Variants in THNSL1 observed in about 807,000 individuals in gnomAD.
THNSL1 encodes threonine synthase like 1.
Under a neutral mutation model 50.4 loss-of-function variants are expected in THNSL1, and 48 were observed. The ratio of observed to expected loss-of-function variants is 0.95; its 90% CI spans 0.76 to 1.21. THNSL1 has a LOEUF of 1.21. Ranked by LOEUF, THNSL1 falls within the 50% of genes most tolerant of loss-of-function variation. The pLI is 0.00. For synonymous variants in THNSL1, 309 were observed against 306.1 expected (o/e 1.01, Z -0.10); for missense variants, 896 against 871.7 (o/e 1.03, Z -0.35).
In THNSL1 at chr10:25,026,476, G is replaced by GA. The variant is rs1420446021; in HGVS notation, c.*1021_*1022insA. 1 of 167,024 alleles carries GA rather than the reference G, an allele frequency of 6.0e-6. No individual in the cohort carries two copies. The highest frequency in any genetic ancestry group is 1.5e-5 in the Non-Finnish European group (1 of 68,112). 10.3% of individuals were successfully genotyped at this position (167,024 alleles called of 1,614,324 possible). A position where few individuals can be genotyped will look rare whatever the true frequency, so the allele number is the denominator to read the frequency against. ...AGACAGCAGTTTCCCTATATTATTTGGAGTCAATTCTTACGTAATTTGTTG... is the reference window on the plus strand; with the variant it reads ...AGACAGCAGTTTCCCTATATTATTTGAGAGTCAATTCTTACGTAATTTGTTG... On this transcript the variant is annotated 3_prime_UTR_variant, in exon 3 of 3. Coordinates refer to ENST00000376356, the MANE Select transcript of THNSL1 (RefSeq NM_024838.5).
chr10:25,003,344 C>A, the THNSL1 span, among the ~76,000 whole-genome samples: 1 of 152,068 alleles, frequency 6.6e-6, no homozygotes, highest in African/African-American at 2.4e-5. Flanking sequence ...GTAGCTGGGA[C>A]TACAGGCATG....
the THNSL1 span, among the ~76,000 whole-genome samples, chr10:24,966,482 C>T: frequency 6.6e-6 from 1 of 152,190 alleles, no homozygotes; most frequent in Non-Finnish European, 1.5e-5. Flanking sequence ...AGACAATTTC[C>T]AGCATTAACT....
In THNSL1 at chr10:25,023,701, G is replaced by C; in HGVS notation, c.478G>C (p.Asp160His). 1 of 1,613,934 alleles carries C rather than the reference G, an allele frequency of 6.2e-7. No individual in the cohort carries two copies. Among genetic ancestry groups the C allele is most frequent in the East Asian group, 2.2e-5 (1 of 44,876 alleles). ...TGTATACCTGGATGTACCTCTACTA[G>C]ATCTAATTTGTCGTCTAAAATTAAT... ...IIVYLDVPLL[D>H]LICRLKLMKT... is the part of the protein sequence containing the mutation. The change falls in exon 3 of 3, where the codon GAT (aspartate) becomes CAT (histidine). Residue 160 changes from aspartate to histidine, a missense_variant. Coordinates refer to ENST00000376356, the MANE Select transcript of THNSL1 (RefSeq NM_024838.5).
At chr10:25,003,084 TTAAG>T in the THNSL1 span, among the ~76,000 whole-genome samples, 11 of 152,130 alleles carry the variant, frequency 7.2e-5, no homozygotes, top group African/African-American at 1.7e-4. Context: ...AAAAATAACA[TTAAG>T]TAAATTAAAA....
At chr10:24,957,737 T>C in the THNSL1 span, among the ~76,000 whole-genome samples, 1 of 152,322 alleles carries the variant, frequency 6.6e-6, no homozygotes, top group Non-Finnish European at 1.5e-5. Context: ...TGCCTCGGCC[T>C]GCCAAAGTTC....
the THNSL1 span, among the ~76,000 whole-genome samples, chr10:24,963,594 A>G: frequency 6.6e-6 from 1 of 152,224 alleles, no homozygotes; most frequent in South Asian, 2.1e-4. Flanking sequence ...TCTTAGAGAC[A>G]TTACACATGT....
chr10:24,988,048 C>T, the THNSL1 span, among the ~76,000 whole-genome samples: 11 of 151,716 alleles, frequency 7.3e-5, no homozygotes, highest in African/African-American at 2.7e-4. Context: ...CAGCGAAACC[C>T]CATCTTTACT....
the THNSL1 span, among the ~76,000 whole-genome samples, chr10:25,007,440 T>G: frequency 6.6e-6 from 1 of 152,094 alleles, no homozygotes; most frequent in African/African-American, 2.4e-5. Context: ...ATTTGTTTGT[T>G]TGTTTATTTA....
chr10:25,023,763 A>T lies in THNSL1; in HGVS notation c.540A>T (p.Thr180=), dbSNP rs745831233. 30 of 1,613,902 alleles carry T rather than the reference A, an allele frequency of 1.9e-5. No homozygotes were observed. The South Asian group carries it at 2.6e-4, about 14-fold the overall frequency. ...TDRIVGQNSG[T]SMKDLLKFRR... ...GGATTGTAGGTCAGAATTCTGGAAC[A>T]TCTATGAAAGACTTACTTAAATTTA... Residue 180 remains threonine, a synonymous_variant, in exon 3 of 3, where the codon ACA becomes ACT. Coordinates refer to ENST00000376356, the MANE Select transcript of THNSL1 (RefSeq NM_024838.5).
At chr10:24,992,915 T>C in the THNSL1 span, among the ~76,000 whole-genome samples, 1 of 152,178 alleles carries the variant, frequency 6.6e-6, no homozygotes, top group Admixed American at 6.5e-5. Flanking sequence ...AACACCTCAT[T>C]ACAGCTTAGT....
chr10:25,016,985 C>T lies in THNSL1; in HGVS notation c.-216+293C>T, dbSNP rs1266752282. Among the ~76,000 whole-genome samples the T allele has an allele frequency of 2.6e-5, 4 of 152,084 alleles. No homozygotes were observed. In the South Asian group the frequency reaches 6.2e-4, roughly 24 times the overall value. ...CCCGCCACGTGTGTGAGTGCGCGCA[C>T]GGGGCCCGCGGCCTCCTCCGCCTGC... On this transcript the variant is annotated intron_variant, in intron 1 of 2. Transcript: ENST00000376356.
At chr10:24,987,648 C>T in the THNSL1 span, among the ~76,000 whole-genome samples, 22 of 152,174 alleles carry the variant, frequency 1.4e-4, no homozygotes, top group African/African-American at 4.3e-4. Flanking sequence ...AGTGTGCCTT[C>T]GATTTCCTGC....
At chr10:24,984,923 A>G in the THNSL1 span, 1 of 1,601,154 alleles carries the variant, frequency 6.2e-7, no homozygotes, top group Non-Finnish European at 8.5e-7. Flanking sequence ...TGGTCAAGAA[A>G]CTTGTAAATA....
chr10:25,022,577 C>T (rs1240733492), intron 2 of THNSL1, among the ~76,000 whole-genome samples: 1 of 152,146 alleles, frequency 6.6e-6, no homozygotes, highest in Non-Finnish European at 1.5e-5. Flanking sequence ...ATACCTTTGT[C>T]CTGTAGTTTG....
rs774252391 is a variant in THNSL1, at chr10:25,024,238, A to T, written c.1015A>T (p.Ile339Phe). 8 of 1,614,196 alleles carry T rather than the reference A, an allele frequency of 5.0e-6. No individual in the cohort carries two copies. The East Asian group carries it at 1.8e-4, about 36-fold the overall frequency. ...PVRHLSGNQF[I>F]LELFHGPTGS... ...CAGGCACCTTTCAGGCAACCAGTTC[A>T]TCCTGGAGTTGTTTCATGGACCAAC... Residue 339 changes from isoleucine to phenylalanine, a missense_variant, in exon 3 of 3, where the codon ATC becomes TTC. By Grantham distance (21) the Ile-to-Phe change is conservative. Transcript: ENST00000376356.
chr10:25,020,790 A>T (rs1453134180), intron 1 of THNSL1, among the ~76,000 whole-genome samples: 2 of 152,102 alleles, frequency 1.3e-5, no homozygotes, highest in African/African-American at 4.8e-5. Context: ...CTCAGATTAT[A>T]TACAATTATT....
chr10:24,985,763 A>G, the THNSL1 span, among the ~76,000 whole-genome samples: 259 of 152,360 alleles, frequency 1.7e-3, no homozygotes, highest in African/African-American at 6.1e-3. Flanking sequence ...CTTTTTAATT[A>G]TTCATTATGG....
the THNSL1 span, among the ~76,000 whole-genome samples, chr10:24,961,300 C>A: frequency 6.6e-6 from 1 of 152,160 alleles, no homozygotes; most frequent in Non-Finnish European, 1.5e-5. Flanking sequence ...TTATAAACAT[C>A]ATTTGAAATA....
chr10:25,003,251 G>A, the THNSL1 span, among the ~76,000 whole-genome samples: 1 of 151,914 alleles, frequency 6.6e-6, no homozygotes, highest in Non-Finnish European at 1.5e-5. Flanking sequence ...GTGTTGCCCA[G>A]GCTGGAGTGC....
Sources: allele counts gnomAD v4.1 joint callset (sites outside exome capture counted in the v4.1 genomes callset), GRCh38; gene constraint gnomAD v4.1.1; transcripts MANE v1.5; gene names NCBI Gene and HGNC (gene_info 2026-07-23, HGNC 2026-07-21).